Variants in DPYD observed in about 807,000 individuals in gnomAD.
DPYD encodes the protein dihydropyrimidine dehydrogenase [NADP(+)].
A neutral mutation model predicts 116.2 loss-of-function variants in DPYD; 109 were observed. The observed-to-expected ratio is 0.94, with a 90% CI of 0.80 to 1.10. DPYD has a LOEUF of 1.10. Ranked by LOEUF, DPYD falls within the 50% of genes least tolerant of loss-of-function variation. The pLI is 0.00. For missense variants in DPYD, 1,302 were observed against 1,254.5 expected (o/e 1.04, Z -0.57); for synonymous variants, 440 against 432.0 (o/e 1.02, Z -0.23).
At chr1:97,166,036 A>C (rs1656299105) in intron 20 of DPYD, among the ~76,000 whole-genome samples, 1 of 152,198 alleles carries the variant, frequency 6.6e-6, no homozygotes, top group African/African-American at 2.4e-5. Flanking sequence ...AAAGGGCTTA[A>C]AAAAGAACTA....
At chr1:97,101,597 A>C (rs887607858) in intron 20 of DPYD, among the ~76,000 whole-genome samples, 2 of 151,920 alleles carry the variant, frequency 1.3e-5, no homozygotes, top group African/African-American at 4.8e-5. Context: ...ATGATTAATA[A>C]AGCATTTAGT....
intron 20 of DPYD, among the ~76,000 whole-genome samples, chr1:97,171,194 G>A (rs1309913738): frequency 6.6e-6 from 1 of 152,174 alleles, no homozygotes; most frequent in Non-Finnish European, 1.5e-5. Context: ...AAGGTCCATG[G>A]TAAGGATCAG....
At chr1:97,789,376 C>G (rs1427072246) in intron 3 of DPYD, among the ~76,000 whole-genome samples, 3 of 152,158 alleles carry the variant, frequency 2.0e-5, no homozygotes, top group Non-Finnish European at 4.4e-5. Flanking sequence ...GATATGGCTT[C>G]TGACTATACT....
At chr1:97,287,725 C>G (rs1384738710) in intron 18 of DPYD, among the ~76,000 whole-genome samples, 1 of 152,106 alleles carries the variant, frequency 6.6e-6, no homozygotes, top group Non-Finnish European at 1.5e-5. Flanking sequence ...GTGTAGGACC[C>G]TCCGAGCCAG....
intron 3 of DPYD, among the ~76,000 whole-genome samples, chr1:97,775,645 A>G (rs1024022424): frequency 1.3e-5 from 2 of 152,308 alleles, no homozygotes; most frequent in East Asian, 3.9e-4. Flanking sequence ...TCAACATGTT[A>G]TCATCTCCCA....
At chr1:97,254,626 T>G (rs1007638986) in intron 18 of DPYD, among the ~76,000 whole-genome samples, 3 of 152,308 alleles carry the variant, frequency 2.0e-5, no homozygotes, top group Non-Finnish European at 4.4e-5. Context: ...ATTAGATAGA[T>G]GGATGTATTT....
At chr1:97,677,177 T>G (rs1446408434) in intron 8 of DPYD, among the ~76,000 whole-genome samples, 1 of 152,188 alleles carries the variant, frequency 6.6e-6, no homozygotes, top group Non-Finnish European at 1.5e-5. Context: ...TTATTCCACA[T>G]TTTTGGAATA....
chr1:97,647,522 A>G (rs1381412246), intron 8 of DPYD, among the ~76,000 whole-genome samples: 1 of 152,022 alleles, frequency 6.6e-6, no homozygotes, highest in Non-Finnish European at 1.5e-5. Context: ...CTAAAAGCAG[A>G]CAACTTTAAA....
intron 18 of DPYD, among the ~76,000 whole-genome samples, chr1:97,246,635 A>G (rs1284653753): frequency 1.3e-5 from 2 of 152,180 alleles, no homozygotes; most frequent in African/African-American, 2.4e-5. Context: ...AGGTTGGGAA[A>G]TGGTATACAG....
At chr1:97,317,581 T>C (rs1667934491) in intron 16 of DPYD, among the ~76,000 whole-genome samples, 1 of 152,082 alleles carries the variant, frequency 6.6e-6, no homozygotes, top group African/African-American at 2.4e-5. Flanking sequence ...TTTATACATC[T>C]GCTGGTCTAT....
At chr1:97,794,126 T>TA (rs1667454836) in intron 3 of DPYD, among the ~76,000 whole-genome samples, 1 of 152,090 alleles carries the variant, frequency 6.6e-6, no homozygotes, top group Non-Finnish European at 1.5e-5. Flanking sequence ...TTAGTAAGGA[T>TA]AGAGTTTCAC....
intron 8 of DPYD, among the ~76,000 whole-genome samples, chr1:97,637,631 A>G (rs770111299): frequency 6.6e-6 from 1 of 152,138 alleles, no homozygotes; most frequent in Non-Finnish European, 1.5e-5. Context: ...GAAAGAAGTG[A>G]GAAAAGAGAA....
chr1:97,186,715 G>A (rs1658014940), intron 20 of DPYD, among the ~76,000 whole-genome samples: 1 of 152,154 alleles, frequency 6.6e-6, no homozygotes, highest in Non-Finnish European at 1.5e-5. Flanking sequence ...TGGGCGTGGT[G>A]GCAGACGCCT....
chr1:97,408,154 T>C, intron 14 of DPYD, among the ~76,000 whole-genome samples: 1 of 152,056 alleles, frequency 6.6e-6, no homozygotes, highest in East Asian at 1.9e-4. Context: ...CCCAGACTCT[T>C]TAGGAATGAA....
intron 10 of DPYD, among the ~76,000 whole-genome samples, chr1:97,577,489 G>A (rs1653342927): frequency 6.6e-6 from 1 of 152,000 alleles, no homozygotes; most frequent in Non-Finnish European, 1.5e-5. Flanking sequence ...ATAACGCCCT[G>A]GACCCATAAA....
chr1:97,112,853 TA>T (rs1651702773), intron 20 of DPYD, among the ~76,000 whole-genome samples: 1 of 152,174 alleles, frequency 6.6e-6, no homozygotes, highest in Non-Finnish European at 1.5e-5. Context: ...TTAGAGCATT[TA>T]AACAAAGATG....
chr1:97,567,889 T>C (rs1652638292), intron 11 of DPYD, among the ~76,000 whole-genome samples: 1 of 151,914 alleles, frequency 6.6e-6, no homozygotes, highest in Non-Finnish European at 1.5e-5. Context: ...TTTTTTATTA[T>C]ACTTTAAGTT....
intron 21 of DPYD, among the ~76,000 whole-genome samples, chr1:97,095,171 ATTAC>A (rs1055447563): frequency 2.0e-5 from 3 of 152,138 alleles, no homozygotes; most frequent in Non-Finnish European, 4.4e-5. Context: ...GGCACAAATA[ATTAC>A]TTACGGCATA....
chr1:97,090,271 T>G (rs1649811563), intron 21 of DPYD, among the ~76,000 whole-genome samples: 1 of 152,162 alleles, frequency 6.6e-6, no homozygotes, highest in African/African-American at 2.4e-5. Context: ...CTATGTTTCA[T>G]GAGAGACAGC....
Sources: gnomAD v4.1 joint callset for allele counts (sites outside exome capture counted in the v4.1 genomes callset) on GRCh38, gnomAD v4.1.1 for gene constraint, MANE v1.5 for transcripts, NCBI Gene and HGNC (gene_info 2026-07-23, HGNC 2026-07-21) for gene names.